The following CCDC190 variants were observed in gnomAD, a reference collection of about 807,000 sequenced individuals.
The protein encoded by CCDC190 is coiled-coil domain containing 190, also known as coiled-coil domain-containing protein 190.
A neutral mutation model predicts 13.1 loss-of-function variants in CCDC190; 10 were observed. The ratio of observed to expected loss-of-function variants is 0.77; its 90% CI spans 0.47 to 1.30. The LOEUF (loss-of-function observed/expected upper bound fraction) is 1.30. Among genes scored for constraint, CCDC190 ranks in the 50% most tolerant of loss-of-function variants. CCDC190 has a pLI of 0.00. For missense variants in CCDC190, 375 were observed against 354.3 expected, an observed-to-expected ratio of 1.06 and a Z score of -0.47; for synonymous variants, 136 against 127.2, an observed-to-expected ratio of 1.07 and a Z score of -0.47.
At chr1:162,855,523 C>A in intron 3 of CCDC190, 109 bp downstream of exon 3, 1 of 1,515,894 alleles carries the variant, frequency 6.6e-7, no homozygotes, top group Admixed American at 2.1e-5. Flanking sequence ...GGGAAAATGT[C>A]TCACTTAAGA....
chr1:162,868,610 C>A (rs892107572), intron 1 of CCDC190: 1 of 30,214 alleles, frequency 3.3e-5, no homozygotes, highest in African/African-American at 6.6e-5. Flanking sequence ...CAAACGCACA[C>A]CCCCACTGGA....
rs1342563999 is a variant in CCDC190, at chr1:162,852,121, G to A, written c.*2644C>T. On this transcript the variant is annotated 3_prime_UTR_variant, in exon 4 of 4. Coordinates refer to ENST00000367912, the MANE Select transcript of CCDC190 (RefSeq NM_001394065.1). ...ACAGGGTGGAGTTTCCAATCTTGGC[G>A]CTATTGATGTTTCGGGCTTGTTAAT... The A allele has an allele frequency of 2.0e-5, 3 of 152,310 alleles. No individual in the cohort carries two copies. The highest frequency in any genetic ancestry group is 3.9e-4 in the East Asian group (2 of 5,182). 9.4% of individuals were successfully genotyped at this position (152,310 alleles called of 1,614,324 possible).
In CCDC190 at chr1:162,854,371, T is replaced by C; in HGVS notation, c.*394A>G. The C allele has an allele frequency of 3.0e-6, 3 of 1,011,280 alleles. No homozygotes were observed. The highest frequency in any genetic ancestry group is 3.6e-6 in the Non-Finnish European group (3 of 845,032). 62.6% of individuals were successfully genotyped at this position (1,011,280 alleles called of 1,614,324 possible). A position where few individuals can be genotyped will look rare whatever the true frequency, so the allele number is the denominator to read the frequency against. ...ACAATCACATTCCTATTCCTACCAC[T>C]ACTATATATCAAACTAAAACAGAGA... is the stretch of plus-strand genomic sequence containing the variant. On this transcript the variant is annotated 3_prime_UTR_variant, in exon 4 of 4. Transcript: ENST00000367912.
intron 1 of CCDC190, among the ~76,000 whole-genome samples, chr1:162,867,218 A>G (rs1023046008): frequency 6.6e-6 from 1 of 152,166 alleles, no homozygotes; most frequent in Non-Finnish European, 1.5e-5. Flanking sequence ...AAAAAACTCT[A>G]TCTATATCTA....
rs1650433752 is a variant in CCDC190, at chr1:162,859,766, C to T, written c.-12-108G>A. ...TAGAACCTGTGTATTTCTGAAACCA[C>T]AGGTGCCTAGTCAGATGAAATCACA... is the stretch of plus-strand genomic sequence containing the variant. On this transcript the variant is annotated intron_variant, in intron 1 of 3. Transcript: ENST00000367912. 12 of 833,822 alleles carry T rather than the reference C, an allele frequency of 1.4e-5. No homozygotes were observed. In the South Asian group the frequency reaches 2.3e-4, roughly 16 times the overall value. 51.7% of individuals were successfully genotyped at this position (833,822 alleles called of 1,614,324 possible).
upstream of CCDC190, among the ~76,000 whole-genome samples, chr1:162,863,972 T>A (rs182529762): frequency 6.0e-4 from 88 of 145,544 alleles, no homozygotes; most frequent in Non-Finnish European, 6.1e-4. Context: ...TGAGCTGAGA[T>A]CACGCCATTG....
intron 3 of CCDC190, 80 bp downstream of exon 3, chr1:162,855,552 T>C (rs1484101994): frequency 1.0e-5 from 16 of 1,571,402 alleles, no homozygotes; most frequent in Non-Finnish European, 1.3e-5. Flanking sequence ...GGAGCATTTC[T>C]TCAGGAAAAC....
chr1:162,854,816 C>A lies in CCDC190; in HGVS notation c.855G>T (p.Arg285Ser). The change falls in exon 4 of 4, where the codon AGG becomes AGT. Residue 285 changes from arginine (R) to serine (S), a missense_variant. Arg to Ser is a moderately radical substitution (Grantham distance 110). Coordinates refer to ENST00000367912, the MANE Select transcript of CCDC190 (RefSeq NM_001394065.1). ...CCCTGTTTTCACACTCCTTTCCTGC[C>A]CTGGATGATGAGGATTCCCCATGCC... ...IFGHGESSSS[R>S]AGKECENRVP... is the part of the protein sequence containing the mutation. The A allele has an allele frequency of 1.9e-6, 3 of 1,613,786 alleles. No homozygotes were observed. Among genetic ancestry groups the A allele is most frequent in the Non-Finnish European group, 2.5e-6 (3 of 1,179,804 alleles).
Position 162,854,222 on chromosome 1 carries a change from G to T in CCDC190, c.*543C>A, listed in dbSNP as rs1461125196. The T allele has an allele frequency of 4.1e-6, 4 of 985,358 alleles. No individual in the cohort carries two copies. The East Asian group carries it at 3.4e-4, about 84-fold the overall frequency. 61.0% of individuals were successfully genotyped at this position (985,358 alleles called of 1,614,324 possible). A position where few individuals can be genotyped will look rare whatever the true frequency, so the allele number is the denominator to read the frequency against. Reference sequence around the variant, plus strand: ...TTTGATATGAGCAGGTTGAAAGTGGGAGGGTGAAAACTAAAATGGAGCTAT... The same window carrying T: ...TTTGATATGAGCAGGTTGAAAGTGGTAGGGTGAAAACTAAAATGGAGCTAT... On this transcript the variant is annotated 3_prime_UTR_variant, in exon 4 of 4. Coordinates refer to ENST00000367912, the MANE Select transcript of CCDC190 (RefSeq NM_001394065.1).
chr1:162,860,804 G>A (rs111292386), intron 1 of CCDC190, among the ~76,000 whole-genome samples: 2,222 of 152,092 alleles, frequency 0.015, 49 homozygotes, highest in African/African-American at 0.051. Context: ...TGATCTGCCC[G>A]CCTCAGCCTC....
rs1367420608 is a variant in CCDC190 at position 162,855,328 on chromosome 1, A to T, written c.343T>A (p.Cys115Ser). ...GGAGGCACCTGGGACTTGCTTTTGCATGTGTCTTGGGCCATACGGGTTGCC... is the reference window on the plus strand; with the variant it reads ...GGAGGCACCTGGGACTTGCTTTTGCTTGTGTCTTGGGCCATACGGGTTGCC... ...ALATRMAQDT[C>S]KSKSQVPPSH... The change falls in exon 4 of 4, where the codon TGC becomes AGC. Residue 115 changes from cysteine to serine, a missense_variant. Physicochemically the swap from Cys to Ser is moderately radical, Grantham distance 112. Coordinates refer to ENST00000367912, the MANE Select transcript of CCDC190 (RefSeq NM_001394065.1). The T allele has an allele frequency of 4.3e-6, 7 of 1,611,920 alleles. No homozygotes were observed. Among genetic ancestry groups the T allele is most frequent in the Middle Eastern group, 1.6e-4 (1 of 6,080 alleles).
chr1:162,863,407 A>T (rs893913833), upstream of CCDC190, among the ~76,000 whole-genome samples: 1 of 152,208 alleles, frequency 6.6e-6, no homozygotes, highest in African/African-American at 2.4e-5. Context: ...TGTCCAATAA[A>T]AGTTAGCTCC....
In CCDC190 at chr1:162,854,165, T is replaced by G; in HGVS notation, c.*600A>C. 5.4e-6 allele frequency: 5 copies of G among 917,880 alleles called. No homozygotes were observed. Among genetic ancestry groups the G allele is most frequent in the Non-Finnish European group, 6.5e-6 (5 of 768,432 alleles). 56.9% of individuals were successfully genotyped at this position (917,880 alleles called of 1,614,324 possible). ...CTAGAAGATATGAGAGGGAAAAGATTGTCCATTATTCTTTCAATAGGATTC... is the reference window on the plus strand; with the variant it reads ...CTAGAAGATATGAGAGGGAAAAGATGGTCCATTATTCTTTCAATAGGATTC... On this transcript the variant is annotated 3_prime_UTR_variant, in exon 4 of 4. Coordinates refer to ENST00000367912, the MANE Select transcript of CCDC190 (RefSeq NM_001394065.1).
At chr1:162,864,036 T>C (rs566524384), upstream of CCDC190, among the ~76,000 whole-genome samples, 18 of 144,034 alleles carry the variant, frequency 1.2e-4, no homozygotes, top group Non-Finnish European at 2.3e-4. Flanking sequence ...TATCAATGAA[T>C]CTCAAGCAAA....
chr1:162,865,170 T>C (rs1396845404), upstream of CCDC190, among the ~76,000 whole-genome samples: 1 of 152,036 alleles, frequency 6.6e-6, no homozygotes, highest in South Asian at 2.1e-4. Context: ...ATAAAGAGGG[T>C]AATTTCTTAA....
rs1650166201 is a variant in CCDC190, at chr1:162,852,995, A to G, written c.*1770T>C. On this transcript the variant is annotated 3_prime_UTR_variant, in exon 4 of 4. Coordinates refer to ENST00000367912, the MANE Select transcript of CCDC190 (RefSeq NM_001394065.1). ...TATGCCTATTCATGTTGGCCCAGGCATGGCTGGTGCAAATAAATTAAGTTT... is the reference window on the plus strand; with the variant it reads ...TATGCCTATTCATGTTGGCCCAGGCGTGGCTGGTGCAAATAAATTAAGTTT... The G allele has an allele frequency of 2.3e-6, 2 of 879,886 alleles. No homozygotes were observed. The highest frequency in any genetic ancestry group is 1.7e-5 in the African/African-American group (1 of 59,976). The allele number at this position is 879,886 out of a possible 1,614,324, so 54.5% of individuals were successfully genotyped here.
chr1:162,855,812 T>A lies in CCDC190; in HGVS notation c.188-57A>T. The A allele has an allele frequency of 2.0e-6, 3 of 1,507,010 alleles. No individual in the cohort carries two copies. In the South Asian group the frequency reaches 3.7e-5, roughly 19 times the overall value. The allele number at this position is 1,507,010 out of a possible 1,614,324, so 93.4% of individuals were successfully genotyped here. On this transcript the variant is annotated intron_variant, in intron 2 of 3. Coordinates refer to ENST00000367912, the MANE Select transcript of CCDC190 (RefSeq NM_001394065.1). ...TTGGATTGTGTCCTTAAATTTTTTA[T>A]GCTCAAGTCCTAACCCCCAGTACCT...
At chr1:162,867,356 T>C (rs554451463) in intron 1 of CCDC190, among the ~76,000 whole-genome samples, 11 of 152,166 alleles carry the variant, frequency 7.2e-5, no homozygotes, top group Non-Finnish European at 1.5e-4. Flanking sequence ...TTTAATTTAA[T>C]TAGTCATTAG....
At chr1:162,867,691 A>G (rs912058549) in intron 1 of CCDC190, among the ~76,000 whole-genome samples, 3 of 152,242 alleles carry the variant, frequency 2.0e-5, no homozygotes, top group South Asian at 2.1e-4. Context: ...CCAAATGACC[A>G]TCAACAAGTG....
Sources: gnomAD v4.1 joint callset for allele counts (sites outside exome capture counted in the v4.1 genomes callset) on GRCh38, gnomAD v4.1.1 for gene constraint, MANE v1.5 for transcripts, NCBI Gene and HGNC (gene_info 2026-07-23, HGNC 2026-07-21) for gene names.